Variants in MPRIP observed in about 807,000 individuals in gnomAD.
MPRIP encodes the protein myosin phosphatase Rho-interacting protein.
In MPRIP, 59 loss-of-function variants were observed where a neutral mutation model predicts 234.9. The observed-to-expected ratio is 0.25, with a 90% CI of 0.20 to 0.31. The LOEUF (loss-of-function observed/expected upper bound fraction) is 0.31, where lower values mean the gene tolerates loss of function less well. MPRIP is among the 10% of genes least tolerant of loss of function. The probability of loss-of-function intolerance (pLI) is 1.00; values close to 1 mark genes in which losing one functional copy is unlikely to be tolerated. For missense variants in MPRIP, 2,436 were observed against 3,071.0 expected, an observed-to-expected ratio of 0.79 and a Z score of 4.89; for synonymous variants, 1,144 against 1,263.9, an observed-to-expected ratio of 0.91 and a Z score of 2.01.
At chr17:17,074,122 G>A (rs1456416712) in intron 1 of MPRIP, among the ~76,000 whole-genome samples, 1 of 152,272 alleles carries the variant, frequency 6.6e-6, no homozygotes, top group Non-Finnish European at 1.5e-5. Flanking sequence ...ATGAGGTAGT[G>A]TGGTGGGGCC....
intron 18 of MPRIP, 83 bp downstream of exon 18, chr17:17,172,898 CTT>C (rs1567775761): frequency 3.9e-6 from 5 of 1,269,138 alleles, no homozygotes; most frequent in East Asian, 2.3e-5. Context: ...CTTCCTGTGT[CTT>C]TGCAGAGGCC....
rs2045867578 is a variant in MPRIP at position 17,161,448 on chromosome 17, T to G, written c.2517+92T>G. The stretch of plus-strand genomic sequence containing the variant: ...AGGCAGGCTAGGAGTGTGCAAAACT[T>G]GGCTGAGCAGGGGTGTCTCCCAGGA... On this transcript the variant is annotated intron_variant, in intron 15 of 23. Coordinates refer to ENST00000651222, the MANE Select transcript of MPRIP (RefSeq NM_001364716.4). 1.3e-5 allele frequency: 11 copies of G among 838,430 alleles called. No homozygotes were observed. In the South Asian group the frequency reaches 2.2e-4, roughly 17 times the overall value. 51.9% of individuals were successfully genotyped at this position (838,430 alleles called of 1,614,324 possible).
chr17:17,173,753 C>T (rs767280329), intron 18 of MPRIP, 163 bp from the exon 19 acceptor site: 1 of 807,278 alleles, frequency 1.2e-6, no homozygotes, highest in Admixed American at 2.0e-5. Flanking sequence ...GTGAGGCCAT[C>T]TCTGTAAGGG....
rs2046445382 is a variant in MPRIP, at chr17:17,184,882, G to A, written c.7266G>A (p.Leu2422=). 1 of 1,611,566 alleles carries A rather than the reference G, an allele frequency of 6.2e-7. No individual in the cohort carries two copies. The highest frequency in any genetic ancestry group is 8.5e-7 in the Non-Finnish European group (1 of 1,178,766). The change falls in exon 24 of 24, where the codon TTG becomes TTA. Residue 2422 remains leucine (L), a synonymous_variant. Coordinates refer to ENST00000651222, the MANE Select transcript of MPRIP (RefSeq NM_001364716.4). ...TGAAGCTCTTTGAATCCAGGGACTT[G>A]AAGAAAGACTAGGTGTGTCCCATCC... ...ERLKLFESRD[L]KKD is the part of the protein sequence containing the mutation.
rs1407524087 is a variant in MPRIP, at chr17:17,150,200, T to C, written c.1686T>C (p.Tyr562=). ...CCGCATGTTACGATGTCACAGAGTA[T>C]CCAGTTCAGAGAAACTATGGCTTCC... ...DLSACYDVTE[Y]PVQRNYGFQI... The change falls in exon 12 of 24, where the codon TAT becomes TAC. Residue 562 remains tyrosine, a synonymous_variant. Coordinates refer to ENST00000651222, the MANE Select transcript of MPRIP (RefSeq NM_001364716.4). 1.2e-6 allele frequency: 2 copies of C among 1,613,772 alleles called. No individual in the cohort carries two copies. Among genetic ancestry groups the C allele is most frequent in the Non-Finnish European group, 1.7e-6 (2 of 1,179,844 alleles).
chr17:17,111,343 A>G (rs2090168084), intron 3 of MPRIP, among the ~76,000 whole-genome samples: 1 of 151,978 alleles, frequency 6.6e-6, no homozygotes, highest in Admixed American at 6.5e-5. Context: ...TTGCCCTTGA[A>G]GGACAGGGAA....
chr17:17,146,118 C>G, intron 10 of MPRIP, 26 bp downstream of exon 10: 1 of 1,609,910 alleles, frequency 6.2e-7, no homozygotes. Context: ...TGCCGTGGCC[C>G]CTGAGGGATC....
intron 1 of MPRIP, among the ~76,000 whole-genome samples, chr17:17,069,091 A>G (rs2089128792): frequency 6.6e-6 from 1 of 152,184 alleles, no homozygotes; most frequent in Non-Finnish European, 1.5e-5. Context: ...TTTTAACTTC[A>G]CATAATTTTG....
Position 17,167,818 on chromosome 17 carries a change from A to G in MPRIP, c.6227A>G (p.Gln2076Arg), listed in dbSNP as rs1204430243. 1.5e-6 allele frequency: 2 copies of G among 1,304,192 alleles called. No individual in the cohort carries two copies. The highest frequency in any genetic ancestry group is 1.2e-5 in the South Asian group (1 of 81,038). The allele number at this position is 1,304,192 out of a possible 1,614,324, so 80.8% of individuals were successfully genotyped here. The change falls in exon 16 of 24, where the codon CAG becomes CGG. Residue 2076 changes from glutamine (Q) to arginine (R), a missense_variant. Physicochemically the swap from Gln to Arg is conservative, Grantham distance 43. Coordinates refer to ENST00000651222, the MANE Select transcript of MPRIP (RefSeq NM_001364716.4). The surrounding 1 kb of genome is among the most constrained non-coding windows in gnomAD (Gnocchi z 5.9). ...GAGCGCATCCAGGAGCTGGAGGCCC[A>G]GATGGATGTCATGCGGGAGGAGCTG... ...LRERIQELEA[Q>R]MDVMREELGH...
rs1256570850 is a variant in MPRIP, at chr17:17,152,681, T to C, written c.1720-1625T>C. ...GCTGGGTGGAGAGTCAGGTTGGCGC[T>C]GGTCCAGCCTTTGTGGAGAGCACTG... is the stretch of plus-strand genomic sequence containing the variant. On this transcript the variant is annotated intron_variant, in intron 12 of 23. Transcript: ENST00000651222. Among the ~76,000 whole-genome samples, 3 of 152,214 alleles carry C rather than the reference T, an allele frequency of 2.0e-5. No individual in the cohort carries two copies. The East Asian group carries it at 5.8e-4, about 29-fold the overall frequency.
intron 1 of MPRIP, among the ~76,000 whole-genome samples, chr17:17,059,971 T>C (rs1473377489): frequency 6.6e-6 from 1 of 152,196 alleles, no homozygotes; most frequent in Non-Finnish European, 1.5e-5. Context: ...CTGATGAGGC[T>C]CTGAAGTAGG....
chr17:17,174,589 C>A (rs184394186), intron 19 of MPRIP, among the ~76,000 whole-genome samples: 1 of 152,164 alleles, frequency 6.6e-6, no homozygotes, highest in Non-Finnish European at 1.5e-5. Context: ...GTAATCCCAG[C>A]GCTTTGGGAG....
At chr17:17,153,967 C>G (rs547482990) in intron 12 of MPRIP, among the ~76,000 whole-genome samples, 2 of 152,310 alleles carry the variant, frequency 1.3e-5, no homozygotes, top group South Asian at 2.1e-4. Context: ...TCCCCCGAGG[C>G]TGGGAACTCC....
chr17:17,067,392 A>T (rs1348794648), intron 1 of MPRIP, among the ~76,000 whole-genome samples: 1 of 152,212 alleles, frequency 6.6e-6, no homozygotes, highest in Non-Finnish European at 1.5e-5. Context: ...CCATCTGATA[A>T]CTGACAGCTA....
At chr17:17,184,131 A>G (rs531302349) in intron 23 of MPRIP, among the ~76,000 whole-genome samples, 4 of 152,346 alleles carry the variant, frequency 2.6e-5, no homozygotes, top group African/African-American at 9.6e-5. Flanking sequence ...GATGGGAAAT[A>G]CTCTGTCCCC....
At chr17:17,056,392 CAG>C (rs919498686) in intron 1 of MPRIP, among the ~76,000 whole-genome samples, 7 of 152,150 alleles carry the variant, frequency 4.6e-5, no homozygotes, top group African/African-American at 1.7e-4. Context: ...CAAGACCAAA[CAG>C]GGAAGAGGCT....
intron 5 of MPRIP, among the ~76,000 whole-genome samples, chr17:17,132,673 G>A (rs1567737027): frequency 6.6e-6 from 1 of 152,238 alleles, no homozygotes; most frequent in Non-Finnish European, 1.5e-5. Flanking sequence ...CTGGGCTGCT[G>A]TATTGGCCCT....
At chr17:17,074,599 C>T (rs1053190780) in intron 1 of MPRIP, among the ~76,000 whole-genome samples, 2 of 152,202 alleles carry the variant, frequency 1.3e-5, no homozygotes, top group African/African-American at 4.8e-5. Flanking sequence ...ATATTTTAGT[C>T]ACCCACGAAA....
chr17:17,104,113 G>T (rs757473662), intron 3 of MPRIP, among the ~76,000 whole-genome samples: 1 of 152,158 alleles, frequency 6.6e-6, no homozygotes, highest in Non-Finnish European at 1.5e-5. Context: ...CTAAGTGCTC[G>T]TAAACACTCT....
Sources: gnomAD v4.1 joint callset for allele counts (sites outside exome capture counted in the v4.1 genomes callset) on GRCh38, gnomAD v4.1.1 for gene constraint, Gnocchi (gnomAD v3.1) non-coding constraint, MANE v1.5 for transcripts, NCBI Gene and HGNC (gene_info 2026-07-23, HGNC 2026-07-21) for gene names.